GRID2: variants seen among roughly 807,000 people sequenced by gnomAD.
GRID2 encodes glutamate receptor ionotropic, delta-2.
A neutral mutation model predicts 114.8 loss-of-function variants in GRID2; 33 were observed. The ratio of observed to expected loss-of-function variants is 0.29; its 90% CI spans 0.22 to 0.38. The LOEUF is 0.38. Ranked by LOEUF, GRID2 falls within the 10% of genes least tolerant of loss-of-function variation. The pLI, the probability that GRID2 is intolerant of heterozygous loss-of-function variation, is 1.00. For synonymous variants in GRID2, 505 were observed against 449.9 expected, an observed-to-expected ratio of 1.12 and a Z score of -1.55; for missense variants, 1,184 against 1,257.7, an observed-to-expected ratio of 0.94 and a Z score of 0.89.
intron 13 of GRID2, among the ~76,000 whole-genome samples, chr4:93,620,464 G>T (rs1408907548): frequency 2.0e-5 from 3 of 152,166 alleles, no homozygotes; most frequent in Non-Finnish European, 4.4e-5. Flanking sequence ...TTGTGGCATG[G>T]ACTTCTGTAG....
intron 2 of GRID2, among the ~76,000 whole-genome samples, chr4:92,825,152 A>G (rs1328703156): frequency 6.6e-6 from 1 of 152,128 alleles, no homozygotes; most frequent in Admixed American, 6.6e-5. Context: ...GATTTAGTTC[A>G]TGTATTATGC....
At chr4:93,444,343 G>A (rs1259855467) in intron 10 of GRID2, among the ~76,000 whole-genome samples, 3 of 151,998 alleles carry the variant, frequency 2.0e-5, no homozygotes, top group Non-Finnish European at 4.4e-5. Flanking sequence ...GCCTGCTAAA[G>A]AGGGAGCTAG....
intron 1 of GRID2, among the ~76,000 whole-genome samples, chr4:92,362,968 T>G (rs1385979578): frequency 6.6e-6 from 1 of 151,978 alleles, no homozygotes; most frequent in Non-Finnish European, 1.5e-5. Flanking sequence ...TATCCAGCTC[T>G]AATACAAGAC....
At chr4:92,862,079 C>A (rs1021120948) in intron 2 of GRID2, among the ~76,000 whole-genome samples, 1 of 151,910 alleles carries the variant, frequency 6.6e-6, no homozygotes, top group Non-Finnish European at 1.5e-5. Flanking sequence ...GAAGGCCTGG[C>A]AGAATTGTCT....
At chr4:93,275,103 A>G (rs770085004) in intron 8 of GRID2, among the ~76,000 whole-genome samples, 6 of 151,866 alleles carry the variant, frequency 4.0e-5, no homozygotes, top group Non-Finnish European at 8.8e-5. Context: ...ACAACCATTA[A>G]TCTACTTTAT....
intron 8 of GRID2, among the ~76,000 whole-genome samples, chr4:93,339,879 A>T (rs983045334): frequency 4.6e-5 from 7 of 152,100 alleles, no homozygotes; most frequent in Non-Finnish European, 7.4e-5. Flanking sequence ...CAAGGGGGAA[A>T]AAACCCTTAT....
At chr4:93,052,013 T>G (rs1726767763) in intron 2 of GRID2, among the ~76,000 whole-genome samples, 1 of 152,044 alleles carries the variant, frequency 6.6e-6, no homozygotes, top group Non-Finnish European at 1.5e-5. Flanking sequence ...TTTGCTTTAC[T>G]TGGCAATTAC....
intron 12 of GRID2, among the ~76,000 whole-genome samples, chr4:93,514,817 G>C (rs566234309): frequency 2.6e-5 from 4 of 152,096 alleles, no homozygotes; most frequent in Non-Finnish European, 4.4e-5. Context: ...GCCTTGCTAC[G>C]TAAAGGAATG....
intron 4 of GRID2, among the ~76,000 whole-genome samples, chr4:93,152,707 T>C (rs1423762154): frequency 6.6e-6 from 1 of 152,152 alleles, no homozygotes; most frequent in African/African-American, 2.4e-5. Context: ...CTAATTCTGA[T>C]AGATGAACTG....
At chr4:93,756,830 T>A (rs1732791341) in intron 14 of GRID2, among the ~76,000 whole-genome samples, 1 of 152,230 alleles carries the variant, frequency 6.6e-6, no homozygotes, top group Non-Finnish European at 1.5e-5. Context: ...AGAAGGAAAG[T>A]CACAATGCTT....
chr4:93,511,948 A>ATT (rs540977342), intron 12 of GRID2, among the ~76,000 whole-genome samples: 4 of 147,690 alleles, frequency 2.7e-5, no homozygotes, highest in African/African-American at 7.5e-5. Flanking sequence ...CATCCAGCTA[A>ATT]TTTTTTTTTT....
chr4:93,626,712 T>G (rs771748883), intron 14 of GRID2, among the ~76,000 whole-genome samples: 1 of 152,218 alleles, frequency 6.6e-6, no homozygotes, highest in Admixed American at 6.5e-5. Flanking sequence ...AGTAGGTGTG[T>G]TAGTAATTTC....
At chr4:92,883,868 A>C (rs1746188624) in intron 2 of GRID2, among the ~76,000 whole-genome samples, 2 of 152,172 alleles carry the variant, frequency 1.3e-5, no homozygotes, top group Admixed American at 6.5e-5. Flanking sequence ...GGTTAGTATA[A>C]ATTTACTGGA....
chr4:92,975,415 G>A (rs1753810019), intron 2 of GRID2, among the ~76,000 whole-genome samples: 1 of 151,968 alleles, frequency 6.6e-6, no homozygotes, highest in Non-Finnish European at 1.5e-5. Flanking sequence ...TGAAGAGAGA[G>A]TTGCAATTTG....
At chr4:93,187,735 G>C (rs568546803) in intron 4 of GRID2, among the ~76,000 whole-genome samples, 5 of 152,214 alleles carry the variant, frequency 3.3e-5, no homozygotes, top group African/African-American at 1.2e-4. Flanking sequence ...AACAACTTAT[G>C]TGCTTCCAAC....
At chr4:92,312,777 T>C (rs1213531566) in intron 1 of GRID2, among the ~76,000 whole-genome samples, 2 of 151,870 alleles carry the variant, frequency 1.3e-5, no homozygotes. Flanking sequence ...AATCAAAGAA[T>C]CAAAAAACAG....
chr4:93,453,164 T>G (rs1722858825), intron 10 of GRID2, among the ~76,000 whole-genome samples: 1 of 151,192 alleles, frequency 6.6e-6, no homozygotes, highest in Admixed American at 6.6e-5. Flanking sequence ...TTGCTTGGCC[T>G]TTTTTTAAAT....
chr4:92,440,675 C>T (rs193181177), intron 1 of GRID2, among the ~76,000 whole-genome samples: 2 of 151,884 alleles, frequency 1.3e-5, no homozygotes, highest in Non-Finnish European at 2.9e-5. Flanking sequence ...GCATAACCTG[C>T]CTTTGCTGGT....
At chr4:92,727,974 G>A (rs1011627838) in intron 2 of GRID2, among the ~76,000 whole-genome samples, 1 of 152,032 alleles carries the variant, frequency 6.6e-6, no homozygotes. Flanking sequence ...AGCAAAGCAT[G>A]CAGAAGTAGG....
Sources: allele counts gnomAD v4.1 joint callset (sites outside exome capture counted in the v4.1 genomes callset), GRCh38; gene constraint gnomAD v4.1.1; transcripts MANE v1.5; gene names NCBI Gene and HGNC (gene_info 2026-07-23, HGNC 2026-07-21).